Variants in GPC3 observed in about 807,000 individuals in gnomAD.
The protein encoded by GPC3 is glypican 3.
In GPC3, 3 loss-of-function variants were observed where a neutral mutation model predicts 34.4. The observed-to-expected ratio is 0.09, with a 90% CI of 0.04 to 0.23. The LOEUF is 0.23. GPC3 is among the 10% of genes least tolerant of loss of function. The pLI is 1.00. For missense variants in GPC3, 351 were observed against 445.6 expected, an observed-to-expected ratio of 0.79 and a Z score of 1.91; for synonymous variants, 177 against 174.0, an observed-to-expected ratio of 1.02 and a Z score of -0.13.
intron 7 of GPC3, among the ~76,000 whole-genome samples, chrX:133,584,023 C>A (rs933169008): frequency 9.0e-6 from 1 of 111,513 alleles, no homozygotes; most frequent in Non-Finnish European, 1.9e-5. Context: ...TTTCACATGC[C>A]GTGCCTTCCC....
chrX:133,571,463 C>T lies in GPC3; in HGVS notation c.1573+24977G>A, dbSNP rs140667230. Among the ~76,000 whole-genome samples the T allele has an allele frequency of 2.1e-3, 238 of 111,053 alleles. 5 individuals carry two copies. The East Asian group carries it at 0.063, about 30-fold the overall frequency. On this transcript the variant is annotated intron_variant, in intron 7 of 7. Coordinates refer to ENST00000370818, the MANE Select transcript of GPC3 (RefSeq NM_004484.4). The stretch of plus-strand genomic sequence containing the variant: ...CTGCAAGCTCCGCCTCTGGGGTTCA[C>T]GCCATTCTCCTGCCTCAGCCTCCTG...
At chrX:133,752,442 AATG>A (rs766296438) in intron 3 of GPC3, among the ~76,000 whole-genome samples, 12 of 111,820 alleles carry the variant, frequency 1.1e-4, no homozygotes, top group Non-Finnish European at 2.3e-4. Context: ...GTTACTATGA[AATG>A]ATATTATGTA....
chrX:133,551,584 G>A (rs2069434111), intron 7 of GPC3, among the ~76,000 whole-genome samples: 1 of 111,520 alleles, frequency 9.0e-6, no homozygotes, highest in Non-Finnish European at 1.9e-5. Context: ...CTTTTCCACA[G>A]CTGTAGGCAA....
intron 1 of GPC3, among the ~76,000 whole-genome samples, chrX:133,957,697 C>T (rs2076422642): frequency 9.0e-6 from 1 of 111,529 alleles, no homozygotes; most frequent in Admixed American, 9.5e-5. Flanking sequence ...TAAGATGCCA[C>T]CTACAAAAGA....
At chrX:133,638,939 T>C (rs1470484804) in intron 6 of GPC3, among the ~76,000 whole-genome samples, 1 of 111,383 alleles carries the variant, frequency 9.0e-6, no homozygotes, top group African/African-American at 3.3e-5. Context: ...CCGTGGGCCG[T>C]GGGTTGGACA....
At chrX:133,642,441 G>A (rs748529116) in intron 6 of GPC3, among the ~76,000 whole-genome samples, 1 of 111,347 alleles carries the variant, frequency 9.0e-6, no homozygotes, top group South Asian at 3.8e-4. Flanking sequence ...CTAGCTTCTC[G>A]AGTCTGAAAA....
At chrX:133,604,879 C>G (rs371559193) in intron 6 of GPC3, among the ~76,000 whole-genome samples, 1 of 112,029 alleles carries the variant, frequency 8.9e-6, no homozygotes, top group East Asian at 2.8e-4. Flanking sequence ...GTATCCACAG[C>G]AATGTAAACA....
intron 2 of GPC3, among the ~76,000 whole-genome samples, chrX:133,852,726 G>A (rs1485946108): frequency 5.4e-5 from 6 of 110,966 alleles, no homozygotes; most frequent in African/African-American, 6.6e-5. Context: ...CAGCACACAC[G>A]CTGGCATTTT....
Position 133,810,946 on chromosome X carries a change from G to A in GPC3, c.338-56770C>T, listed in dbSNP as rs1275962795. ...ACCAGGCATTACTGGTTCAGTCTCC[G>A]TTTCCTCTTTCAAAGGAGGGAACAC... is the stretch of plus-strand genomic sequence containing the variant. On this transcript the variant is annotated intron_variant, in intron 2 of 7. Transcript: ENST00000370818. Among the ~76,000 whole-genome samples, 5 of 109,165 alleles carry A rather than the reference G, an allele frequency of 4.6e-5. No individual in the cohort carries two copies. The South Asian group carries it at 1.2e-3, about 26-fold the overall frequency. The allele number at this position is 109,165 out of a possible 115,157, so 94.8% of individuals were successfully genotyped here.
At chrX:133,715,357 T>C (rs1391810397) in intron 3 of GPC3, among the ~76,000 whole-genome samples, 5 of 112,040 alleles carry the variant, frequency 4.5e-5, no homozygotes, top group Non-Finnish European at 9.4e-5. Context: ...GGACTTGGAC[T>C]GGCTTCCTTG....
intron 2 of GPC3, among the ~76,000 whole-genome samples, chrX:133,906,572 G>A (rs1208033971): frequency 9.0e-6 from 1 of 111,621 alleles, no homozygotes; most frequent in East Asian, 2.8e-4. Flanking sequence ...CAGATTTGAT[G>A]TAATAAGGTA....
chrX:133,726,150 C>T (rs776673263), intron 3 of GPC3, among the ~76,000 whole-genome samples: 2 of 111,890 alleles, frequency 1.8e-5, no homozygotes, highest in East Asian at 5.7e-4. Flanking sequence ...CTGTAATATA[C>T]AAAACAGTAT....
At chrX:133,816,981 T>C (rs1384197531) in intron 2 of GPC3, among the ~76,000 whole-genome samples, 1 of 112,222 alleles carries the variant, frequency 8.9e-6, no homozygotes, top group East Asian at 2.8e-4. Context: ...ATCTTCAGGC[T>C]CTTGCCTTCA....
intron 2 of GPC3, among the ~76,000 whole-genome samples, chrX:133,902,111 G>A (rs1311927865): frequency 8.9e-6 from 1 of 112,129 alleles, no homozygotes; most frequent in African/African-American, 3.2e-5. Flanking sequence ...AAAAGAATCT[G>A]CTTTAAAATA....
At chrX:133,651,462 CATGTGTGCTAAGTTGGATTTCCCCT>C (rs1268918548) in intron 6 of GPC3, among the ~76,000 whole-genome samples, 1 of 111,546 alleles carries the variant, frequency 9.0e-6, no homozygotes, top group Non-Finnish European at 1.9e-5. Flanking sequence ...TAAAAACTAA[CATGTGTGCTAAGTTGGATTTCCCCT>C]ATCATGCTTA....
chrX:133,882,093 T>A (rs1301130143), intron 2 of GPC3, among the ~76,000 whole-genome samples: 1 of 112,115 alleles, frequency 8.9e-6, no homozygotes, highest in African/African-American at 3.2e-5. Context: ...TGTGAGTCCT[T>A]AAAGCACTCT....
chrX:133,687,396 T>G (rs1462257080), intron 5 of GPC3, among the ~76,000 whole-genome samples: 5 of 79,310 alleles, frequency 6.3e-5, no homozygotes, highest in South Asian at 7.1e-4. Flanking sequence ...TTTTTTTTTT[T>G]TTTTTTTTTT....
intron 2 of GPC3, among the ~76,000 whole-genome samples, chrX:133,825,918 C>T (rs2075743778): frequency 8.9e-6 from 1 of 111,898 alleles, no homozygotes; most frequent in Non-Finnish European, 1.9e-5. Flanking sequence ...AAATCTCTGT[C>T]CAATCATTCA....
chrX:133,686,114 A>G (rs770624692), intron 5 of GPC3, among the ~76,000 whole-genome samples: 1 of 112,156 alleles, frequency 8.9e-6, no homozygotes, highest in East Asian at 2.8e-4. Flanking sequence ...CTAGGGAAAT[A>G]TAAACCCCTA....
Sources: gnomAD v4.1 joint callset for allele counts (sites outside exome capture counted in the v4.1 genomes callset) on GRCh38, gnomAD v4.1.1 for gene constraint, MANE v1.5 for transcripts, NCBI Gene and HGNC (gene_info 2026-07-23, HGNC 2026-07-21) for gene names.